The following SPNS3 variants were observed in gnomAD, a reference collection of about 807,000 sequenced individuals.
SPNS3 encodes SPNS lysolipid transporter 3, sphingosine-1-phosphate (putative), also known as protein spinster homolog 3.
Under a neutral mutation model 54.4 loss-of-function variants are expected in SPNS3, and 51 were observed. The ratio of observed to expected loss-of-function variants is 0.94; its 90% CI spans 0.75 to 1.18. The LOEUF (loss-of-function observed/expected upper bound fraction) is 1.18. Among genes scored for constraint, SPNS3 ranks in the 50% most tolerant of loss-of-function variants. The pLI, the probability that SPNS3 is intolerant of heterozygous loss-of-function variation, is 0.00. For missense variants in SPNS3, 669 were observed against 677.4 expected (o/e 0.99, Z 0.14); for synonymous variants, 309 against 294.7 (o/e 1.05, Z -0.50).
chr17:4,444,386 T>A (rs1296152363), intron 2 of SPNS3, among the ~76,000 whole-genome samples: 1 of 151,814 alleles, frequency 6.6e-6, no homozygotes, highest in African/African-American at 2.4e-5. Context: ...GGCTAATTTT[T>A]TTGTATTTTT....
At chr17:4,434,989 G>C (rs1172202073) in intron 1 of SPNS3, among the ~76,000 whole-genome samples, 1 of 150,168 alleles carries the variant, frequency 6.7e-6, no homozygotes, top group African/African-American at 2.5e-5. Context: ...TTTTAGTAGA[G>C]ACGGGGTTTT....
At chr17:4,435,793 G>A (rs897833780) in intron 1 of SPNS3, among the ~76,000 whole-genome samples, 2 of 152,104 alleles carry the variant, frequency 1.3e-5, no homozygotes, top group African/African-American at 2.4e-5. Context: ...GGGGCCAGGC[G>A]TGGTGGCTCA....
chr17:4,445,925 C>A, intron 3 of SPNS3, 123 bp from the exon 4 acceptor site: 2 of 1,170,716 alleles, frequency 1.7e-6, no homozygotes, highest in African/African-American at 1.5e-5. Context: ...TAGCCCCGAT[C>A]CCCTCTCCCT....
At chr17:4,449,896 G>A (rs190823265) in intron 7 of SPNS3, among the ~76,000 whole-genome samples, 63 of 152,180 alleles carry the variant, frequency 4.1e-4, no homozygotes, top group African/African-American at 1.4e-3. Flanking sequence ...GCCCTCTCCC[G>A]CTTCCTGCCT....
intron 8 of SPNS3, among the ~76,000 whole-genome samples, chr17:4,477,247 G>A (rs909860819): frequency 5.3e-5 from 8 of 152,204 alleles, no homozygotes; most frequent in Admixed American, 4.6e-4. Flanking sequence ...GTGTAATGAC[G>A]TCTGCCTTAC....
rs373113871 is a variant in SPNS3 at position 4,486,556 on chromosome 17, G to A, written c.1423G>A (p.Glu475Lys). 1.0e-4 allele frequency: 163 copies of A among 1,612,912 alleles called. No individual in the cohort carries two copies. Among genetic ancestry groups the A allele is most frequent in the East Asian group, 5.8e-4 (26 of 44,876 alleles). The stretch of plus-strand genomic sequence containing the variant: ...GACTGCGCTGTACCTGGAGAGAGAC[G>A]AGACCCGGGCCTGGCAGCCTGTCAC... ...LLTALYLERD[E>K]TRAWQPVTGT... The change falls in exon 11 of 12, where the codon GAG becomes AAG. Residue 475 changes from glutamate (E) to lysine (K), a missense_variant. Transcript: ENST00000355530. The surrounding 1 kb of genome is among the most constrained non-coding windows in gnomAD (Gnocchi z 5.5).
chr17:4,458,588 CCTTTCTTT>C (rs1188233610), intron 8 of SPNS3, among the ~76,000 whole-genome samples: 1,193 of 59,060 alleles, frequency 0.02, 16 homozygotes, highest in South Asian at 0.038. Flanking sequence ...TTCCTTCCCT[CCTTTCTTT>C]CTTTCTTTCT....
rs115122128 is a variant in SPNS3, at chr17:4,474,988, C to T, written c.1114-3584C>T. 6.5e-3 allele frequency among the ~76,000 whole-genome samples: 986 copies of T among 152,212 alleles called. 9 individuals carry two copies. The highest frequency in any genetic ancestry group is 0.023 in the African/African-American group (939 of 41,516). ...TGTGAGTGTGCTTGTGTGTTGGTCT[C>T]ACGTGCACTTGTGAGAGGCCTCGGC... On this transcript the variant is annotated intron_variant, in intron 8 of 11. Coordinates refer to ENST00000355530, the MANE Select transcript of SPNS3 (RefSeq NM_182538.5).
rs905299881 is a variant in SPNS3, at chr17:4,440,175, CTG to C, written c.265+453_265+454del. Among the ~76,000 whole-genome samples, 45 of 152,308 alleles carry C rather than the reference CTG, an allele frequency of 3.0e-4. 1 individual carries two copies. The highest frequency in any genetic ancestry group is 1.1e-3 in the African/African-American group (44 of 41,578). On this transcript the variant is annotated intron_variant, in intron 2 of 11. Coordinates refer to ENST00000355530, the MANE Select transcript of SPNS3 (RefSeq NM_182538.5). ...CCCCCCACATGGGCTCAGATGGACT[CTG>C]GGCCCACAGACAGCCTGACACCCAG...
At chr17:4,450,580 T>TTTTTA (rs918902101) in intron 7 of SPNS3, among the ~76,000 whole-genome samples, 8 of 150,692 alleles carry the variant, frequency 5.3e-5, no homozygotes, top group Non-Finnish European at 7.4e-5. Flanking sequence ...TGCCTGGCTA[T>TTTTTA]TTTTATTTTA....
chr17:4,449,092 G>T, intron 6 of SPNS3, 143 bp from the exon 7 acceptor site: 1 of 937,916 alleles, frequency 1.1e-6, no homozygotes, highest in African/African-American at 1.7e-5. Context: ...GTAAAGAGGG[G>T]GTAGCAAATG....
chr17:4,436,021 CTA>C (rs1491550040), intron 1 of SPNS3, among the ~76,000 whole-genome samples: 41,986 of 151,824 alleles, frequency 0.28, 5,987 homozygotes, highest in Admixed American at 0.35. Flanking sequence ...CGGCTGAGCA[CTA>C]ACTGTGGGCA....
At chr17:4,439,582 C>T in intron 1 of SPNS3, 76 bp from the exon 2 acceptor site, 1 of 1,444,330 alleles carries the variant, frequency 6.9e-7, no homozygotes, top group Non-Finnish European at 9.5e-7. Context: ...TGGCCCTGTG[C>T]CAAACCTGGA....
chr17:4,486,964 G>T lies in SPNS3; in HGVS notation c.1450+381G>T, dbSNP rs2144258659. 6.6e-6 allele frequency among the ~76,000 whole-genome samples: 1 copy of T among 151,976 alleles called. No individual in the cohort carries two copies. The highest frequency in any genetic ancestry group is 1.9e-4 in the East Asian group (1 of 5,182). ...CAAGGCGGGCGGATTACAAGGTTAGGAGTTCAAGACCAGCCTGGGCAACAT... is the reference window on the plus strand; with the variant it reads ...CAAGGCGGGCGGATTACAAGGTTAGTAGTTCAAGACCAGCCTGGGCAACAT... On this transcript the variant is annotated intron_variant, in intron 11 of 11. Coordinates refer to ENST00000355530, the MANE Select transcript of SPNS3 (RefSeq NM_182538.5). The surrounding 1 kb of genome is among the most constrained non-coding windows in gnomAD (Gnocchi z 5.5).
At chr17:4,463,491 GT>G (rs1156271594) in intron 8 of SPNS3, among the ~76,000 whole-genome samples, 11 of 150,200 alleles carry the variant, frequency 7.3e-5, no homozygotes, top group Non-Finnish European at 1.5e-5. Context: ...ACTTTGGGAG[GT>G]CAAGGTGGGC....
chr17:4,437,708 A>C (rs979326091), intron 1 of SPNS3, among the ~76,000 whole-genome samples: 2 of 152,008 alleles, frequency 1.3e-5, no homozygotes, highest in Admixed American at 6.6e-5. Flanking sequence ...CAAAATATTA[A>C]AAGGGGAAAA....
rs758468796 is a variant in SPNS3 at position 4,448,321 on chromosome 17, C to T, written c.770+18C>T. ...GGGAAAAAGTGAGTATCCCTGCTAC[C>T]CCCTGCAAGGCACAGAAAAGCCCGT... On this transcript the variant is annotated intron_variant, in intron 6 of 11. Transcript: ENST00000355530. 2.6e-6 allele frequency: 4 copies of T among 1,522,268 alleles called. No homozygotes were observed. The highest frequency in any genetic ancestry group is 3.5e-6 in the Non-Finnish European group (4 of 1,133,352). The allele number at this position is 1,522,268 out of a possible 1,614,324, so 94.3% of individuals were successfully genotyped here. A position where few individuals can be genotyped will look rare whatever the true frequency, so the allele number is the denominator to read the frequency against.
intron 8 of SPNS3, among the ~76,000 whole-genome samples, chr17:4,459,283 A>C (rs2144103785): frequency 6.6e-6 from 1 of 152,300 alleles, no homozygotes; most frequent in East Asian, 1.9e-4. Context: ...GCACAGTGTC[A>C]GGCACGTGGA....
At chr17:4,478,735 A>G in intron 9 of SPNS3, 98 bp downstream of exon 9, 6 of 1,246,722 alleles carry the variant, frequency 4.8e-6, no homozygotes, top group Non-Finnish European at 6.8e-6. Flanking sequence ...GACATCAGAG[A>G]CCATACATTA....
Sources: gnomAD v4.1 joint callset for allele counts (sites outside exome capture counted in the v4.1 genomes callset) on GRCh38, gnomAD v4.1.1 for gene constraint, Gnocchi (gnomAD v3.1) non-coding constraint, MANE v1.5 for transcripts, NCBI Gene and HGNC (gene_info 2026-07-23, HGNC 2026-07-21) for gene names.